The following DMD variants were observed in gnomAD, a reference collection of about 807,000 sequenced individuals.
DMD encodes dystrophin.
A neutral mutation model predicts 330.1 loss-of-function variants in DMD; 63 were observed. The observed-to-expected ratio is 0.19, with a 90% CI of 0.16 to 0.24. DMD has a LOEUF of 0.24. Ranked by LOEUF, DMD falls within the 10% of genes least tolerant of loss-of-function variation. DMD has a pLI of 1.00. For synonymous variants in DMD, 1,223 were observed against 959.8 expected (o/e 1.27, Z -5.07); for missense variants, 3,344 against 2,684.1 (o/e 1.25, Z -5.43).
At chrX:32,859,459 T>TCACACA (rs1491491375) in intron 2 of DMD, among the ~76,000 whole-genome samples, 2 of 69,581 alleles carry the variant, frequency 2.9e-5, no homozygotes, top group African/African-American at 5.6e-5. Flanking sequence ...CGAAGCAAGA[T>TCACACA]CTCACACACA....
In DMD at chrX:31,447,029, G is replaced by A. The variant is rs139873795; in HGVS notation, c.8938-2402C>T. Among the ~76,000 whole-genome samples, 832 of 111,037 alleles carry A rather than the reference G, an allele frequency of 7.5e-3. 4 individuals are homozygous for A. Among genetic ancestry groups the A allele is most frequent in the African/African-American group, 0.025 (776 of 30,584 alleles). On this transcript the variant is annotated intron_variant, in intron 59 of 78. Transcript: ENST00000357033. Reference sequence around the variant, plus strand: ...CATAGCTAGATTTCAGTTCCCTTTAGGTGACACAATGTACATTTTCAAATG... The same window carrying A: ...CATAGCTAGATTTCAGTTCCCTTTAAGTGACACAATGTACATTTTCAAATG...
intron 41 of DMD, among the ~76,000 whole-genome samples, chrX:32,336,101 C>A (rs747695978): frequency 9.3e-6 from 1 of 107,712 alleles, no homozygotes; most frequent in South Asian, 4.0e-4. Context: ...CGTGTGTATA[C>A]GTACATGTTA....
chrX:32,607,212 CTTAGAT>C (rs1443284432), intron 12 of DMD, among the ~76,000 whole-genome samples: 6 of 110,122 alleles, frequency 5.4e-5, no homozygotes, highest in Non-Finnish European at 1.2e-4. Context: ...TTGTACAGTG[CTTAGAT>C]TTGGTAGGTG....
At chrX:33,166,822 G>A (rs779981928) in intron 1 of DMD, among the ~76,000 whole-genome samples, 2 of 109,181 alleles carry the variant, frequency 1.8e-5, no homozygotes, top group Non-Finnish European at 3.8e-5. Flanking sequence ...ACCTGAATGA[G>A]CAATTTAAAC....
intron 59 of DMD, among the ~76,000 whole-genome samples, chrX:31,465,582 C>T (rs1422480930): frequency 1.8e-5 from 2 of 111,702 alleles, no homozygotes; most frequent in African/African-American, 6.5e-5. Context: ...ATCTGTGCCA[C>T]GTTTTCTTTA....
chrX:31,408,513 C>G (rs1010702112), intron 60 of DMD, among the ~76,000 whole-genome samples: 7 of 110,292 alleles, frequency 6.3e-5, no homozygotes, highest in Non-Finnish European at 1.3e-4. Context: ...TTAAGTGATT[C>G]TCATGCCTCA....
At chrX:33,131,281 A>G (rs909899098) in intron 1 of DMD, among the ~76,000 whole-genome samples, 11 of 110,947 alleles carry the variant, frequency 9.9e-5, no homozygotes, top group African/African-American at 3.6e-4. Context: ...TGATATTAGA[A>G]TCCCCTGAAG....
chrX:31,182,359 G>A (rs2041244589), intron 68 of DMD, among the ~76,000 whole-genome samples: 1 of 112,132 alleles, frequency 8.9e-6, no homozygotes. Flanking sequence ...ACTGATTCTT[G>A]GGAAGTTTCT....
intron 9 of DMD, among the ~76,000 whole-genome samples, chrX:32,661,385 T>TAA (rs1379507651): frequency 0.036 from 4,041 of 110,911 alleles, 183 homozygotes; most frequent in African/African-American, 0.13. Flanking sequence ...GTCTACATTT[T>TAA]ACTATGAGGA....
intron 21 of DMD, among the ~76,000 whole-genome samples, chrX:32,473,700 T>A (rs779905507): frequency 5.5e-4 from 61 of 111,795 alleles, no homozygotes; most frequent in Non-Finnish European, 1.1e-3. Context: ...TGCATTTATT[T>A]GGGAACTCAT....
chrX:32,364,652 A>T lies in DMD; in HGVS notation c.5084T>A (p.Ile1695Asn), dbSNP rs1228213218. 1.7e-6 allele frequency: 2 copies of T among 1,210,310 alleles called. No homozygotes were observed. The highest frequency in any genetic ancestry group is 3.5e-5 in the South Asian group (2 of 56,988). Residue 1695 changes from isoleucine to asparagine, a missense_variant, in exon 36 of 79, where the codon ATC becomes AAC. Ile to Asn is a moderately radical substitution (Grantham distance 149, BLOSUM62 -3). Transcript: ENST00000357033. ...DQNVDHITKW[I>N]IQADTLLDES... Reference sequence around the variant, plus strand: ...ATCCAAAAGTGTGTCAGCCTGAATGATCCACTTTGTGATGTGGTCCACATT... The same window carrying T: ...ATCCAAAAGTGTGTCAGCCTGAATGTTCCACTTTGTGATGTGGTCCACATT...
intron 11 of DMD, among the ~76,000 whole-genome samples, chrX:32,624,554 T>C (rs959857652): frequency 9.8e-5 from 11 of 111,697 alleles, no homozygotes; most frequent in African/African-American, 3.6e-4. Flanking sequence ...CAAACTTTAA[T>C]GTACATATGA....
intron 64 of DMD, among the ~76,000 whole-genome samples, chrX:31,216,251 G>T (rs1039283155): frequency 4.4e-5 from 5 of 112,494 alleles, no homozygotes; most frequent in Non-Finnish European, 7.5e-5. Flanking sequence ...GATAGCTGGA[G>T]AATGGAACCA....
chrX:31,939,166 A>G (rs1022203821), intron 45 of DMD, among the ~76,000 whole-genome samples: 2 of 111,792 alleles, frequency 1.8e-5, no homozygotes, highest in South Asian at 7.4e-4. Context: ...TTCTACACAC[A>G]CCTAGTAACC....
intron 2 of DMD, among the ~76,000 whole-genome samples, chrX:32,926,878 A>T (rs1472985280): frequency 9.1e-6 from 1 of 110,256 alleles, no homozygotes; most frequent in Non-Finnish European, 1.9e-5. Context: ...TGAAATAAAG[A>T]TAAACAATTT....
At chrX:31,302,087 T>C (rs1040333451) in intron 62 of DMD, among the ~76,000 whole-genome samples, 13 of 112,081 alleles carry the variant, frequency 1.2e-4, no homozygotes, top group South Asian at 1.1e-3. Context: ...AACTCAACAA[T>C]GACAACCAAA....
intron 41 of DMD, among the ~76,000 whole-genome samples, chrX:32,324,447 G>A (rs1569557825): frequency 9.1e-6 from 1 of 110,245 alleles, no homozygotes; most frequent in Admixed American, 9.7e-5. Flanking sequence ...AGGTCACAAT[G>A]CTGCGTTAAT....
chrX:33,021,013 G>C (rs1361126177), intron 1 of DMD, among the ~76,000 whole-genome samples: 1 of 111,134 alleles, frequency 9.0e-6, no homozygotes, highest in African/African-American at 3.3e-5. Flanking sequence ...TTAGCACACT[G>C]TCTGAACAAA....
chrX:33,041,525 A>G (rs1167946773), intron 1 of DMD: 1 of 1,205,472 alleles, frequency 8.3e-7, no homozygotes, highest in African/African-American at 1.7e-5. Flanking sequence ...AGAGCTGAAG[A>G]TGGTGAAAAT....
Sources: allele counts gnomAD v4.1 joint callset (sites outside exome capture counted in the v4.1 genomes callset), GRCh38; gene constraint gnomAD v4.1.1; transcripts MANE v1.5; gene names NCBI Gene and HGNC (gene_info 2026-07-23, HGNC 2026-07-21).